The following PPM1K variants were observed in gnomAD, a reference collection of about 807,000 sequenced individuals.
PPM1K encodes the protein protein phosphatase Mn(2+)-dependent 1K.
PPM1K carries 19 observed loss-of-function variants against 32.6 expected under a neutral mutation model. The observed-to-expected ratio is 0.58, with a 90% CI of 0.41 to 0.86. PPM1K has a LOEUF of 0.86. PPM1K is among the 40% of genes least tolerant of loss of function. PPM1K has a pLI of 0.00. For synonymous variants in PPM1K, 159 were observed against 165.3 expected (o/e 0.96, Z 0.29); for missense variants, 362 against 461.2 (o/e 0.78, Z 1.97).
intron 3 of PPM1K, 46 bp downstream of exon 3, chr4:88,277,096 AC>A: frequency 7.1e-7 from 1 of 1,408,266 alleles, no homozygotes; most frequent in Non-Finnish European, 1.0e-6. Context: ...CTCCTCCCCC[AC>A]CCCATGTACT....
chr4:88,275,643 T>A (rs1731735917), intron 3 of PPM1K: 1 of 985,400 alleles, frequency 1.0e-6, no homozygotes, highest in Non-Finnish European at 1.2e-6. Flanking sequence ...TGCAGCTATT[T>A]ACAGAACAGC....
At chr4:88,266,430 G>A (rs1031991328) in intron 5 of PPM1K, among the ~76,000 whole-genome samples, 1 of 151,858 alleles carries the variant, frequency 6.6e-6, no homozygotes, top group African/African-American at 2.4e-5. Flanking sequence ...TGCAGGTGAT[G>A]CTGGCTGGGT....
rs774947483 is a variant in PPM1K, at chr4:88,268,921, A to C, written c.542-15T>G. 21 of 1,586,706 alleles carry C rather than the reference A, an allele frequency of 1.3e-5. No individual in the cohort carries two copies. Among genetic ancestry groups the C allele is most frequent in the Non-Finnish European group, 1.8e-5 (21 of 1,167,904 alleles). The stretch of plus-strand genomic sequence containing the variant: ...CAGAAGAGTTGCTACAAGTATTATG[A>C]AAAAAAGAGTACAAGTTAGTGACAG... On this transcript the variant is annotated splice_polypyrimidine_tract_variant and intron_variant, in intron 3 of 6. Transcript: ENST00000608933.
chr4:88,276,207 A>C (rs996345152), intron 3 of PPM1K: 2 of 985,320 alleles, frequency 2.0e-6, no homozygotes, highest in African/African-American at 1.7e-5. Context: ...AAATGCAAAC[A>C]ATCTCTATCC....
chr4:88,279,820 G>T (rs1428696120), intron 1 of PPM1K: 1 of 152,144 alleles, frequency 6.6e-6, no homozygotes, highest in Non-Finnish European at 1.5e-5. Context: ...GATGATGTTG[G>T]TGGATGGTCT....
chr4:88,278,235 T>C lies in PPM1K; in HGVS notation c.349A>G (p.Thr117Ala). 6.2e-7 allele frequency: 1 copy of C among 1,614,074 alleles called. No homozygotes were observed. Among genetic ancestry groups the C allele is most frequent in the Non-Finnish European group, 8.5e-7 (1 of 1,179,924 alleles). ...ACTGCAAAGTACAGGACCTCATCTG[T>C]CAGCTGAGCGAAGTCAAACCGATCT... ...NEDRFDFAQL[T>A]DEVLYFAVYD... The change falls in exon 2 of 7, where the codon ACA becomes GCA. Residue 117 changes from threonine (T) to alanine (A), a missense_variant. Transcript: ENST00000608933. This position sits in a 1 kb window ranked among gnomAD's most constrained non-coding sequence, Gnocchi z 4.2.
At chr4:88,272,270 G>T (rs1162613851) in intron 3 of PPM1K, among the ~76,000 whole-genome samples, 1 of 152,082 alleles carries the variant, frequency 6.6e-6, no homozygotes, top group African/African-American at 2.4e-5. Flanking sequence ...TCCCGGCATA[G>T]GGGATTCAAA....
chr4:88,282,218 G>A (rs1193362787), intron 1 of PPM1K, among the ~76,000 whole-genome samples: 2 of 152,154 alleles, frequency 1.3e-5, no homozygotes, highest in South Asian at 2.1e-4. Flanking sequence ...TGGAAGTCAA[G>A]TCATCCAAAA....
chr4:88,267,198 G>T (rs1400481467), intron 5 of PPM1K, among the ~76,000 whole-genome samples: 1 of 150,736 alleles, frequency 6.6e-6, no homozygotes, highest in African/African-American at 2.4e-5. Context: ...GATGCTGATT[G>T]ATTGGGTGCA....
chr4:88,268,904 T>C lies in PPM1K; in HGVS notation c.544A>G (p.Thr182Ala), dbSNP rs1371497183. The C allele has an allele frequency of 6.3e-7, 1 of 1,598,760 alleles. No individual in the cohort carries two copies. Among genetic ancestry groups the C allele is most frequent in the Non-Finnish European group, 8.5e-7 (1 of 1,173,972 alleles). ...SSHARLSADA[T>A]LLTSGTTATV... is the part of the protein sequence containing the mutation. ...GCAGTAGTCCCAGAGGTCAGAAGAG[T>C]TGCTACAAGTATTATGAAAAAAAGA... The change falls in exon 4 of 7, where the codon ACT becomes GCT. Residue 182 changes from threonine (T) to alanine (A), a missense_variant and splice_region_variant. Physicochemically the swap from Thr to Ala is moderately conservative, Grantham distance 58. Transcript: ENST00000608933.
At position 88,278,557 on chromosome 4, in the gene PPM1K, C is replaced by G. The variant is rs1348359745; in HGVS notation, c.27G>C (p.Leu9Phe). ...TCACCTGGTTCCCACCACTTCTGAC[C>G]AAAGTAATTAAGGCAGCTGTTGACA... The part of the protein sequence containing the change: MSTAALIT[L>F]VRSGGNQVRR... The change falls in exon 2 of 7, where the codon TTG becomes TTC. Residue 9 changes from leucine to phenylalanine, a missense_variant. Physicochemically the swap from Leu to Phe is conservative, Grantham distance 22. Transcript: ENST00000608933. The surrounding 1 kb of genome is among the most constrained non-coding windows in gnomAD (Gnocchi z 4.2). 1 of 1,611,360 alleles carries G rather than the reference C, an allele frequency of 6.2e-7. No homozygotes were observed. Among genetic ancestry groups the G allele is most frequent in the East Asian group, 2.2e-5 (1 of 44,858 alleles).
At chr4:88,276,404 A>C in intron 3 of PPM1K, 1 of 985,450 alleles carries the variant, frequency 1.0e-6, no homozygotes, top group Non-Finnish European at 1.2e-6. Context: ...GTTAACTTTA[A>C]CAGCAAAAGA....
rs749932282 is a variant in PPM1K, at chr4:88,265,137, T to G, written c.853-2A>C. On this transcript the variant is annotated splice_acceptor_variant, in intron 5 of 6. Coordinates refer to ENST00000608933, the MANE Select transcript of PPM1K (RefSeq NM_152542.5). LOFTEE classifies it high-confidence loss of function. Reference sequence around the variant, plus strand: ...GAAGCTGTCATCAGCATGATGTAACTGCAATCAGAACCAAATGCCTATGAT... The same window carrying G: ...GAAGCTGTCATCAGCATGATGTAACGGCAATCAGAACCAAATGCCTATGAT... The G allele has an allele frequency of 6.2e-7, 1 of 1,614,188 alleles. No individual in the cohort carries two copies. Among genetic ancestry groups the G allele is most frequent in the Non-Finnish European group, 8.5e-7 (1 of 1,180,004 alleles).
chr4:88,270,601 A>C (rs747788922), intron 3 of PPM1K, among the ~76,000 whole-genome samples: 6 of 152,242 alleles, frequency 3.9e-5, no homozygotes, highest in Non-Finnish European at 2.9e-5. Context: ...GCATTTATTC[A>C]GATGCTACCT....
intron 3 of PPM1K, 42 bp from the exon 4 acceptor site, chr4:88,268,948 C>T: frequency 6.7e-7 from 1 of 1,499,234 alleles, no homozygotes; most frequent in Non-Finnish European, 9.1e-7. Context: ...TAGTGACAGT[C>T]AAATGATTGG....
At chr4:88,275,743 G>A (rs1731743433) in intron 3 of PPM1K, 1 of 985,176 alleles carries the variant, frequency 1.0e-6, no homozygotes, top group South Asian at 4.7e-5. Context: ...TGAAATAAGA[G>A]CATACCAAAA....
intron 3 of PPM1K, among the ~76,000 whole-genome samples, chr4:88,273,772 G>T (rs1340028754): frequency 6.6e-6 from 1 of 151,908 alleles, no homozygotes; most frequent in Non-Finnish European, 1.5e-5. Flanking sequence ...CATGTGTAAA[G>T]AAATGGGCAA....
In PPM1K at chr4:88,257,833, G is replaced by A. The variant is rs1285663753; in HGVS notation, c.*4762C>T. 1.3e-5 allele frequency: 2 copies of A among 152,168 alleles called. No homozygotes were observed. The highest frequency in any genetic ancestry group is 2.9e-5 in the Non-Finnish European group (2 of 68,034). The allele number at this position is 152,168 out of a possible 1,614,324, so 9.4% of individuals were successfully genotyped here. ...GGGCACTTCAGTAGAAATTAAATCA[G>A]TTTGGGGACACATCAGGCTGCTAAA... On this transcript the variant is annotated 3_prime_UTR_variant, in exon 7 of 7. Coordinates refer to ENST00000608933, the MANE Select transcript of PPM1K (RefSeq NM_152542.5).
At position 88,275,046 on chromosome 4, in the gene PPM1K, C is replaced by T. The variant is rs72661666; in HGVS notation, c.541+2097G>A. 8.6e-3 allele frequency: 6,984 copies of T among 813,566 alleles called. 50 individuals are homozygous for T. Among genetic ancestry groups the T allele is most frequent in the Non-Finnish European group, 9.3e-3 (6,282 of 673,370 alleles). The allele number at this position is 813,566 out of a possible 1,614,324, so 50.4% of individuals were successfully genotyped here. A position where few individuals can be genotyped will look rare whatever the true frequency, so the allele number is the denominator to read the frequency against. On this transcript the variant is annotated intron_variant, in intron 3 of 6. Coordinates refer to ENST00000608933, the MANE Select transcript of PPM1K (RefSeq NM_152542.5). Reference sequence around the variant, plus strand: ...CTAAGAGCATCATCTTGTCTTGCTCCATTATACTTTCAAACAAATTACCAT... The same window carrying T: ...CTAAGAGCATCATCTTGTCTTGCTCTATTATACTTTCAAACAAATTACCAT...
Sources: gnomAD v4.1 joint callset for allele counts (sites outside exome capture counted in the v4.1 genomes callset) on GRCh38, gnomAD v4.1.1 for gene constraint, Gnocchi (gnomAD v3.1) non-coding constraint, MANE v1.5 for transcripts, NCBI Gene and HGNC (gene_info 2026-07-23, HGNC 2026-07-21) for gene names.